The following CLMN variants were observed in gnomAD, a reference collection of about 807,000 sequenced individuals.
CLMN encodes the protein calmin (calponin-like, transmembrane).
CLMN carries 57 observed loss-of-function variants against 92.7 expected under a neutral mutation model. The observed-to-expected ratio is 0.61, with a 90% confidence interval of 0.50 to 0.77. CLMN has a LOEUF of 0.77. Ranked by LOEUF, CLMN falls within the 30% of genes least tolerant of loss-of-function variation. The pLI is 0.00. For synonymous variants in CLMN, 466 were observed against 470.6 expected (o/e 0.99, Z 0.13); for missense variants, 1,158 against 1,237.5 (o/e 0.94, Z 0.96).
chr14:95,307,081 T>C (rs1343871771), intron 1 of CLMN, among the ~76,000 whole-genome samples: 2 of 152,176 alleles, frequency 1.3e-5, no homozygotes, highest in African/African-American at 2.4e-5. Context: ...GAAACAGGCA[T>C]TGATGAAGAC....
chr14:95,185,347 G>C lies in CLMN; in HGVS notation c.*6217C>G, dbSNP rs1186514179. 6.6e-6 allele frequency: 1 copy of C among 152,256 alleles called. No individual in the cohort carries two copies. The highest frequency in any genetic ancestry group is 2.4e-5 in the African/African-American group (1 of 41,430). The allele number at this position is 152,256 out of a possible 1,614,324, so 9.4% of individuals were successfully genotyped here. A position where few individuals can be genotyped will look rare whatever the true frequency, so the allele number is the denominator to read the frequency against. On this transcript the variant is annotated 3_prime_UTR_variant, in exon 13 of 13. Transcript: ENST00000298912. ...TTTGGTTCTCCCACGCTGGCTGTTA[G>C]GGGAAAAGAGCCATAGCAATTTTCA...
chr14:95,277,967 A>C (rs1034539317), intron 1 of CLMN, among the ~76,000 whole-genome samples: 3 of 152,230 alleles, frequency 2.0e-5, no homozygotes, highest in Non-Finnish European at 4.4e-5. Flanking sequence ...GTTCATTCTC[A>C]GCCTAGGGAA....
rs75371242 is a variant in CLMN at position 95,274,270 on chromosome 14, T to C, written c.83-44137A>G. On this transcript the variant is annotated intron_variant, in intron 1 of 12. Coordinates refer to ENST00000298912, the MANE Select transcript of CLMN (RefSeq NM_024734.4). ...CTGGTTTTGGTTTCCATCGTTCTGCTTGGAAATGCCTGTCTTTTCTCTTTC... is the reference window on the plus strand; with the variant it reads ...CTGGTTTTGGTTTCCATCGTTCTGCCTGGAAATGCCTGTCTTTTCTCTTTC... Among the ~76,000 whole-genome samples, 1,283 of 152,080 alleles carry C rather than the reference T, an allele frequency of 8.4e-3. 34 individuals carry two copies. Among genetic ancestry groups the C allele is most frequent in the South Asian group, 0.081 (390 of 4,814 alleles).
At chr14:95,223,945 A>C (rs1897629005) in intron 2 of CLMN, 90 bp from the exon 3 acceptor site, 1 of 902,220 alleles carries the variant, frequency 1.1e-6, no homozygotes, top group Non-Finnish European at 1.7e-6. Context: ...CTCAAGAGAA[A>C]ACTTCCAAAC....
chr14:95,200,611 C>T (rs1896851037), intron 9 of CLMN, among the ~76,000 whole-genome samples: 1 of 152,174 alleles, frequency 6.6e-6, no homozygotes, highest in Non-Finnish European at 1.5e-5. Context: ...CAGGAGGAGC[C>T]TCCCCATCAG....
At chr14:95,316,012 A>G (rs187941729) in intron 1 of CLMN, among the ~76,000 whole-genome samples, 4 of 152,298 alleles carry the variant, frequency 2.6e-5, no homozygotes, top group Admixed American at 2.6e-4. Flanking sequence ...TTTGTCCAAC[A>G]GTACAGTGAC....
chr14:95,273,892 C>A (rs925828496), intron 1 of CLMN, among the ~76,000 whole-genome samples: 1 of 152,094 alleles, frequency 6.6e-6, no homozygotes, highest in Non-Finnish European at 1.5e-5. Flanking sequence ...CCTCATGAAC[C>A]TCATTCAGAC....
intron 1 of CLMN, among the ~76,000 whole-genome samples, chr14:95,242,297 T>C (rs1160031588): frequency 4.8e-5 from 7 of 145,602 alleles, no homozygotes; most frequent in Non-Finnish European, 1.0e-4. Flanking sequence ...CAGGCTCTGT[T>C]GCCCAGGCTG....
At position 95,182,595 on chromosome 14, in the gene CLMN, C is replaced by T. The variant is rs1896353977; in HGVS notation, c.*8969G>A. 6.6e-6 allele frequency: 1 copy of T among 152,240 alleles called. No homozygotes were observed. Among genetic ancestry groups the T allele is most frequent in the Non-Finnish European group, 1.5e-5 (1 of 68,046 alleles). 9.4% of individuals were successfully genotyped at this position (152,240 alleles called of 1,614,324 possible). On this transcript the variant is annotated 3_prime_UTR_variant, in exon 13 of 13. Coordinates refer to ENST00000298912, the MANE Select transcript of CLMN (RefSeq NM_024734.4). ...CCTCCCCACAGCTACCGCCCCTACCCCAGGGACATTCTACACAAACACACC... is the reference window on the plus strand; with the variant it reads ...CCTCCCCACAGCTACCGCCCCTACCTCAGGGACATTCTACACAAACACACC...
intron 3 of CLMN, among the ~76,000 whole-genome samples, chr14:95,222,202 G>A (rs1490499813): frequency 2.0e-5 from 3 of 152,172 alleles, no homozygotes; most frequent in Non-Finnish European, 4.4e-5. Flanking sequence ...TCAGCATCAC[G>A]GCTCAGCTGC....
chr14:95,274,171 C>T (rs981466596), intron 1 of CLMN, among the ~76,000 whole-genome samples: 1 of 152,160 alleles, frequency 6.6e-6, no homozygotes. Flanking sequence ...CTGTTACTTT[C>T]TTTGCTCCCG....
intron 4 of CLMN, among the ~76,000 whole-genome samples, chr14:95,216,505 T>C (rs1897352155): frequency 6.6e-6 from 1 of 152,124 alleles, no homozygotes; most frequent in African/African-American, 2.4e-5. Flanking sequence ...CCAAGAGAGA[T>C]GGAAAATGCC....
chr14:95,193,470 C>A, intron 12 of CLMN: 1 of 1,160,040 alleles, frequency 8.6e-7, no homozygotes, highest in Non-Finnish European at 1.2e-6. Flanking sequence ...TTCACAGGGG[C>A]CACACAGCCT....
rs143525264 is a variant in CLMN at position 95,280,423 on chromosome 14, G to A, written c.82+39288C>T. 6.8e-3 allele frequency among the ~76,000 whole-genome samples: 1,028 copies of A among 152,228 alleles called. 4 individuals carry two copies. The highest frequency in any genetic ancestry group is 0.011 in the Non-Finnish European group (745 of 67,988). Reference sequence around the variant, plus strand: ...ATTTTTATTTGCCTTTTAAATACAGGAAAAAGAAGGGAAATAAAAGAGACT... The same window carrying A: ...ATTTTTATTTGCCTTTTAAATACAGAAAAAAGAAGGGAAATAAAAGAGACT... On this transcript the variant is annotated intron_variant, in intron 1 of 12. Coordinates refer to ENST00000298912, the MANE Select transcript of CLMN (RefSeq NM_024734.4).
chr14:95,254,370 G>C (rs1419189748), intron 1 of CLMN, among the ~76,000 whole-genome samples: 1 of 152,190 alleles, frequency 6.6e-6, no homozygotes, highest in African/African-American at 2.4e-5. Context: ...ATTTAAGCAT[G>C]ACATAAACTT....
intron 7 of CLMN, 76 bp from the exon 8 acceptor site, chr14:95,209,553 G>T: frequency 8.8e-7 from 1 of 1,134,746 alleles, no homozygotes; most frequent in Non-Finnish European, 1.3e-6. Context: ...ATGCCTGATG[G>T]TGAAGAATCC....
chr14:95,262,604 T>C (rs1400956274), intron 1 of CLMN, among the ~76,000 whole-genome samples: 1 of 151,880 alleles, frequency 6.6e-6, no homozygotes, highest in Admixed American at 6.6e-5. Context: ...CTTACTCTAT[T>C]GTCCAGGCTG....
intron 1 of CLMN, among the ~76,000 whole-genome samples, chr14:95,312,976 C>A (rs528177490): frequency 6.6e-6 from 1 of 152,312 alleles, no homozygotes; most frequent in East Asian, 1.9e-4. Context: ...GAGGCCAAGG[C>A]AGGTGGATCA....
chr14:95,231,188 TCTAA>T (rs1220943655), intron 1 of CLMN, among the ~76,000 whole-genome samples: 153 of 147,258 alleles, frequency 1.0e-3, no homozygotes, highest in Middle Eastern at 7.1e-3. Flanking sequence ...CATTAAATCC[TCTAA>T]CTTTTTTTTT....
Sources: allele counts gnomAD v4.1 joint callset (sites outside exome capture counted in the v4.1 genomes callset), GRCh38; gene constraint gnomAD v4.1.1; transcripts MANE v1.5; gene names NCBI Gene and HGNC (gene_info 2026-07-23, HGNC 2026-07-21).